The following SLC46A1 variants were observed in gnomAD, a reference collection of about 807,000 sequenced individuals.
The protein encoded by SLC46A1 is solute carrier family 46 member 1.
SLC46A1 carries 17 observed loss-of-function variants against 32.1 expected under a neutral mutation model. That is an observed-to-expected ratio of 0.53 (90% CI 0.36 to 0.79). The LOEUF is 0.79. Ranked by LOEUF, SLC46A1 falls within the 30% of genes least tolerant of loss-of-function variation. SLC46A1 has a pLI of 0.00. For missense variants in SLC46A1, 517 were observed against 588.2 expected, an observed-to-expected ratio of 0.88 and a Z score of 1.25; for synonymous variants, 240 against 262.7, an observed-to-expected ratio of 0.91 and a Z score of 0.84.
intron 4 of SLC46A1, 112 bp downstream of exon 4, chr17:28,400,498 C>T: frequency 1.4e-6 from 2 of 1,440,052 alleles, no homozygotes; most frequent in South Asian, 1.3e-5. Context: ...GACAAGACAC[C>T]CAGAGGGTAA....
At position 28,397,663 on chromosome 17, in the gene SLC46A1, C is replaced by G. The variant is rs1001607128; in HGVS notation, c.*1993G>C. 1 of 152,236 alleles carries G rather than the reference C, an allele frequency of 6.6e-6. No homozygotes were observed. 9.4% of individuals were successfully genotyped at this position (152,236 alleles called of 1,614,324 possible). A position where few individuals can be genotyped will look rare whatever the true frequency, so the allele number is the denominator to read the frequency against. The stretch of plus-strand genomic sequence containing the variant: ...TTGCTTCTCCCTTGCTTCAAAGAAT[C>G]TAGCAGCGGGGGATAGGATTTTGCA... On this transcript the variant is annotated 3_prime_UTR_variant, in exon 5 of 5. Coordinates refer to ENST00000612814, the MANE Select transcript of SLC46A1 (RefSeq NM_080669.6).
In SLC46A1 at chr17:28,396,222, C is replaced by T; in HGVS notation, c.*3434G>A. On this transcript the variant is annotated 3_prime_UTR_variant, in exon 5 of 5. Transcript: ENST00000612814. ...ATCCGCTTCCTGCAGGGCCGCTCCT[C>T]CCGGGACTCATCTGCAGGCTCTGAC... is the stretch of plus-strand genomic sequence containing the variant. 2 of 1,614,002 alleles carry T rather than the reference C, an allele frequency of 1.2e-6. No homozygotes were observed. The highest frequency in any genetic ancestry group is 1.7e-6 in the Non-Finnish European group (2 of 1,179,892).
intron 1 of SLC46A1, 91 bp downstream of exon 1, chr17:28,405,796 G>T (rs1056045385): frequency 1.0e-5 from 14 of 1,345,748 alleles, no homozygotes; most frequent in Non-Finnish European, 1.3e-5. Flanking sequence ...CCAGTTACCC[G>T]CCACTACCAT....
Position 28,395,596 on chromosome 17 carries a change from ACTAT to A in SLC46A1, c.*4056_*4059del, listed in dbSNP as rs1567811620. ...CCTGGTGACCAGCCCTCTTCCTGAAACTATCTAGGCTACCCCCATAGCACCCCCC... is the reference window on the plus strand; with the variant it reads ...CCTGGTGACCAGCCCTCTTCCTGAAACTAGGCTACCCCCATAGCACCCCCC... On this transcript the variant is annotated 3_prime_UTR_variant, in exon 5 of 5. Coordinates refer to ENST00000612814, the MANE Select transcript of SLC46A1 (RefSeq NM_080669.6). 1 of 287,098 alleles carries A rather than the reference ACTAT, an allele frequency of 3.5e-6. No individual in the cohort carries two copies. Among genetic ancestry groups the A allele is most frequent in the East Asian group, 7.6e-5 (1 of 13,158 alleles). 17.8% of individuals were successfully genotyped at this position (287,098 alleles called of 1,614,324 possible).
rs1555589748 is a variant in SLC46A1 at position 28,402,192 on chromosome 17, A to G, written c.1165+46T>C. On this transcript the variant is annotated intron_variant, in intron 3 of 4. Coordinates refer to ENST00000612814, the MANE Select transcript of SLC46A1 (RefSeq NM_080669.6). Reference sequence around the variant, plus strand: ...GGCTGCCCATCAGCCCGTTTCGGGCAGCACTGGACATGAGGAACCAGACAC... The same window carrying G: ...GGCTGCCCATCAGCCCGTTTCGGGCGGCACTGGACATGAGGAACCAGACAC... 3.2e-6 allele frequency: 5 copies of G among 1,542,644 alleles called. No individual in the cohort carries two copies. In the South Asian group the frequency reaches 4.7e-5, roughly 15 times the overall value.
intron 1 of SLC46A1, chr17:28,405,669 C>T (rs41297077): frequency 2.7e-4 from 263 of 974,870 alleles, no homozygotes; most frequent in Non-Finnish European, 3.6e-4. Flanking sequence ...CTTTCCCCCC[C>T]CTTTTGTTAA....
upstream of SLC46A1, chr17:28,406,388 C>T: frequency 2.6e-6 from 1 of 386,006 alleles, no homozygotes; most frequent in South Asian, 1.0e-4. The surrounding 1 kb of genome is among the most constrained non-coding windows in gnomAD (Gnocchi z 4.5). Context: ...GCCCTGCAGC[C>T]CTCCCTCCCG....
intron 2 of SLC46A1, chr17:28,403,347 C>T (rs1446015770): frequency 6.6e-6 from 1 of 152,350 alleles, no homozygotes; most frequent in Non-Finnish European, 1.5e-5. Flanking sequence ...TTTCCCTTTG[C>T]ATTCAGTTAC....
chr17:28,401,036 G>GA (rs72156259), intron 3 of SLC46A1: 335,607 of 370,176 alleles, frequency 0.91, 152,123 homozygotes, highest in African/African-American at 0.96. Flanking sequence ...GCACATAAAA[G>GA]AAAAAAAAAG....
At chr17:28,405,645 C>A (rs782244959) in intron 1 of SLC46A1, 177 bp from the exon 2 acceptor site, 30 of 1,030,164 alleles carry the variant, frequency 2.9e-5, no homozygotes, top group Non-Finnish European at 4.0e-5. Flanking sequence ...TGGACCAAGG[C>A]CCCATTCCCT....
chr17:28,405,800 C>A (rs888067599), intron 1 of SLC46A1, 87 bp downstream of exon 1: 1 of 1,380,282 alleles, frequency 7.2e-7, no homozygotes, highest in Non-Finnish European at 9.7e-7. Context: ...TTACCCGCCA[C>A]TACCATTACG....
chr17:28,404,570 A>AC, intron 2 of SLC46A1, 46 bp downstream of exon 2: 4 of 1,606,676 alleles, frequency 2.5e-6, no homozygotes, highest in Non-Finnish European at 3.4e-6. Context: ...CCCAGTTCTT[A>AC]CCCAGTGCCT....
rs1555590875 is a variant in SLC46A1 at position 28,405,277 on chromosome 17, G to T, written c.420C>A (p.His140Gln). 6.3e-7 allele frequency: 1 copy of T among 1,586,408 alleles called. No individual in the cohort carries two copies. The highest frequency in any genetic ancestry group is 2.3e-5 in the East Asian group (1 of 43,156). The change falls in exon 2 of 5, where the codon CAC (histidine) becomes CAA (glutamine). Residue 140 changes from histidine (H) to glutamine (Q), a missense_variant. Transcript: ENST00000612814. ...VSVFVVQLQL[H>Q]VGYFVLGRIL... Reference sequence around the variant, plus strand: ...TGCGACCCAGCACGAAGTAGCCGACGTGGAGCTGCAGCTGCACCACAAAAA... The same window carrying T: ...TGCGACCCAGCACGAAGTAGCCGACTTGGAGCTGCAGCTGCACCACAAAAA...
At chr17:28,404,554 C>T in intron 2 of SLC46A1, 62 bp downstream of exon 2, 2 of 1,588,734 alleles carry the variant, frequency 1.3e-6, no homozygotes, top group East Asian at 2.3e-5. Context: ...CAGTGAGTGG[C>T]CGGCCCCCAG....
At chr17:28,404,318 G>A (rs2068228941) in intron 2 of SLC46A1, 1 of 433,984 alleles carries the variant, frequency 2.3e-6, no homozygotes, top group African/African-American at 2.0e-5. Context: ...GGGAGGCCAA[G>A]GGGTAAAGCA....
Position 28,396,611 on chromosome 17 carries a change from T to G in SLC46A1, c.*3045A>C. The G allele has an allele frequency of 3.3e-6, 1 of 306,380 alleles. No individual in the cohort carries two copies. Among genetic ancestry groups the G allele is most frequent in the East Asian group, 6.6e-5 (1 of 15,124 alleles). 19.0% of individuals were successfully genotyped at this position (306,380 alleles called of 1,614,324 possible). On this transcript the variant is annotated 3_prime_UTR_variant, in exon 5 of 5. Transcript: ENST00000612814. ...GGGGTGGGGGTGGTTCTGCATTCCC[T>G]TCTCCTGCTGATAGCAGTCAGCTTG...
chr17:28,406,297 C>T (rs981313917), upstream of SLC46A1: 9 of 466,400 alleles, frequency 1.9e-5, no homozygotes, highest in African/African-American at 1.0e-4. This position sits in a 1 kb window ranked among gnomAD's most constrained non-coding sequence, Gnocchi z 4.5. Flanking sequence ...CGCGGGTGCA[C>T]CTGGCTGGGC....
chr17:28,402,472 C>G (rs2068209436), intron 2 of SLC46A1, 151 bp from the exon 3 acceptor site: 2 of 633,286 alleles, frequency 3.2e-6, no homozygotes, highest in East Asian at 2.8e-5. Context: ...AGACAGTAGT[C>G]AAGGAGGAAT....
chr17:28,401,170 T>C, intron 3 of SLC46A1: 1 of 251,706 alleles, frequency 4.0e-6, no homozygotes, highest in Admixed American at 4.9e-5. Flanking sequence ...CATAGCGGTG[T>C]CACCACTGAA....
Sources: gnomAD v4.1 joint callset for allele counts on GRCh38, gnomAD v4.1.1 for gene constraint, Gnocchi (gnomAD v3.1) non-coding constraint, MANE v1.5 for transcripts, NCBI Gene and HGNC (gene_info 2026-07-23, HGNC 2026-07-21) for gene names.